Variants in FHAD1 observed in about 807,000 individuals in gnomAD.
FHAD1 encodes the protein forkhead associated phosphopeptide binding domain 1.
FHAD1 carries 146 observed loss-of-function variants against 191.3 expected under a neutral mutation model. The ratio of observed to expected loss-of-function variants is 0.76; its 90% CI spans 0.67 to 0.88. The LOEUF (loss-of-function observed/expected upper bound fraction) is 0.88. Ranked by LOEUF, FHAD1 falls within the 40% of genes least tolerant of loss-of-function variation. FHAD1 has a pLI of 0.00. For missense variants in FHAD1, 1,635 were observed against 1,785.8 expected (o/e 0.92, Z 1.52); for synonymous variants, 616 against 672.3 (o/e 0.92, Z 1.29).
chr1:15,259,117 T>G (rs7520597), intron 2 of FHAD1, among the ~76,000 whole-genome samples: 22,223 of 152,190 alleles, frequency 0.15, 1,822 homozygotes, highest in Middle Eastern at 0.22. Flanking sequence ...ACAGTAGCCA[T>G]CCTAATGAGA....
intron 7 of FHAD1, among the ~76,000 whole-genome samples, chr1:15,310,417 G>A (rs1671901710): frequency 1.3e-5 from 2 of 152,210 alleles, no homozygotes; most frequent in South Asian, 2.1e-4. Flanking sequence ...AGGCATCCCA[G>A]GGGGATCTCG....
In FHAD1 at chr1:15,301,405, T is replaced by A; in HGVS notation, c.879T>A (p.Asp293Glu). Residue 293 changes from aspartate (D) to glutamate (E), a missense_variant, in exon 6 of 34, where the codon GAT becomes GAA. Transcript: ENST00000688493. ...QKCQVLDEDI[D>E]AKQKEIQSLK... ...GTCAGGTTCTGGATGAAGACATCGA[T>A]GCCAAACAGAAAGAGATCCAGAGCT... 1 of 1,551,678 alleles carries A rather than the reference T, an allele frequency of 6.4e-7. No individual in the cohort carries two copies. The highest frequency in any genetic ancestry group is 8.7e-7 in the Non-Finnish European group (1 of 1,147,010).
At chr1:15,370,030 A>G (rs1697635408) in intron 26 of FHAD1, among the ~76,000 whole-genome samples, 2 of 152,238 alleles carry the variant, frequency 1.3e-5, no homozygotes. Context: ...GCAGGAATGT[A>G]GTGGTGCAAT....
chr1:15,239,977 A>C (rs1175847112), intron 1 of FHAD1, among the ~76,000 whole-genome samples: 1 of 152,230 alleles, frequency 6.6e-6, no homozygotes, highest in Non-Finnish European at 1.5e-5. Flanking sequence ...ACGGACATAC[A>C]CAGTGGCGCC....
chr1:15,294,620 T>C (rs1360162172), intron 4 of FHAD1, among the ~76,000 whole-genome samples: 1 of 152,198 alleles, frequency 6.6e-6, no homozygotes, highest in Admixed American at 6.5e-5. Flanking sequence ...CTCGAACTCC[T>C]GTCCTTAAGT....
chr1:15,311,473 C>A lies in FHAD1; in HGVS notation c.1040-1584C>A, dbSNP rs1013779785. Among the ~76,000 whole-genome samples, 2 of 152,320 alleles carry A rather than the reference C, an allele frequency of 1.3e-5. No homozygotes were observed. Among genetic ancestry groups the A allele is most frequent in the East Asian group, 3.9e-4 (2 of 5,182 alleles). ...GGTAGAGACTCAAGCCAAATTCATTCTAGAGAAAAGGTCACTCTGGTCCCG... is the reference window on the plus strand; with the variant it reads ...GGTAGAGACTCAAGCCAAATTCATTATAGAGAAAAGGTCACTCTGGTCCCG... On this transcript the variant is annotated intron_variant, in intron 7 of 33. Coordinates refer to ENST00000688493, the MANE Select transcript of FHAD1 (RefSeq NM_001391957.1). The surrounding 1 kb of genome is among the most constrained non-coding windows in gnomAD (Gnocchi z 4.1).
At chr1:15,374,687 G>A in intron 27 of FHAD1, 56 bp downstream of exon 27, 1 of 1,540,090 alleles carries the variant, frequency 6.5e-7, no homozygotes, top group Non-Finnish European at 8.8e-7. Flanking sequence ...GCTCACTTTG[G>A]GGACTGACCA....
chr1:15,278,938 GT>G (rs1042817796), intron 3 of FHAD1, among the ~76,000 whole-genome samples: 2 of 151,804 alleles, frequency 1.3e-5, no homozygotes, highest in Admixed American at 6.6e-5. Flanking sequence ...TCAACTGGAA[GT>G]TTTTTTTTAA....
upstream of FHAD1, among the ~76,000 whole-genome samples, chr1:15,245,583 C>T (rs1173130535): frequency 1.3e-5 from 2 of 152,230 alleles, no homozygotes; most frequent in Non-Finnish European, 2.9e-5. Context: ...GAGCTTGACC[C>T]TCTCTGTTCC....
intron 32 of FHAD1, among the ~76,000 whole-genome samples, chr1:15,389,291 A>G (rs1448041860): frequency 2.0e-4 from 30 of 151,788 alleles, no homozygotes; most frequent in Admixed American, 2.0e-3. Context: ...ACAAAAGCAC[A>G]AAAAATTAGC....
chr1:15,391,706 A>T (rs1704087479), intron 33 of FHAD1, among the ~76,000 whole-genome samples: 1 of 152,260 alleles, frequency 6.6e-6, no homozygotes, highest in Non-Finnish European at 1.5e-5. Flanking sequence ...TTATTCTGAG[A>T]CAACAAAATT....
Position 15,360,695 on chromosome 1 carries a change from A to G in FHAD1, c.2954A>G (p.Asn985Ser). Reference protein sequence around the residue: ...IEGEIATLKDNDPAPKEERPQ... With the variant: ...IEGEIATLKDSDPAPKEERPQ... ...GGCGAGATTGCAACATTGAAGGACA[A>G]TGACCCAGGTAAGTCCGAAGGGAGG... is the stretch of plus-strand genomic sequence containing the variant. The change falls in exon 22 of 34, where the codon AAT becomes AGT. Residue 985 changes from asparagine to serine, a missense_variant. Coordinates refer to ENST00000688493, the MANE Select transcript of FHAD1 (RefSeq NM_001391957.1). 2 of 1,551,162 alleles carry G rather than the reference A, an allele frequency of 1.3e-6. No individual in the cohort carries two copies. Among genetic ancestry groups the G allele is most frequent in the Admixed American group, 2.0e-5 (1 of 50,992 alleles).
At chr1:15,257,903 A>G (rs1231744047) in intron 2 of FHAD1, among the ~76,000 whole-genome samples, 5 of 152,164 alleles carry the variant, frequency 3.3e-5, no homozygotes, top group African/African-American at 9.7e-5. Context: ...GTGCGGTGGC[A>G]CAATCTTGGC....
chr1:15,389,447 CA>C (rs570569622), intron 32 of FHAD1, among the ~76,000 whole-genome samples: 1,084 of 54,220 alleles, frequency 0.02, 18 homozygotes, highest in East Asian at 0.043. Flanking sequence ...GAACCTGTCT[CA>C]AAAAAAAAAA....
rs757632010 is a variant in FHAD1 at position 15,328,397 on chromosome 1, G to A, written c.1678G>A (p.Glu560Lys). The A allele has an allele frequency of 1.5e-5, 23 of 1,543,792 alleles. No individual in the cohort carries two copies. In the South Asian group the frequency reaches 2.3e-4, roughly 15 times the overall value. Residue 560 changes from glutamate (E) to lysine (K), a missense_variant, in exon 13 of 34, where the codon GAG becomes AAG. Glu to Lys is a moderately conservative substitution (Grantham distance 56, BLOSUM62 1). Transcript: ENST00000688493. ...GCAGGAGGAGACCACCGAGAACATC[G>A]AGAAGCTGAGGACGTCGCTGGACAG... ...SKQEETTENI[E>K]KLRTSLDSCQ...
At chr1:15,389,019 A>C (rs1703093220) in intron 32 of FHAD1, among the ~76,000 whole-genome samples, 1 of 152,156 alleles carries the variant, frequency 6.6e-6, no homozygotes, top group Admixed American at 6.5e-5. Context: ...GACTTAATCC[A>C]GGGATGGATT....
intron 15 of FHAD1, among the ~76,000 whole-genome samples, chr1:15,341,383 CT>C (rs1686628882): frequency 6.6e-6 from 1 of 152,176 alleles, no homozygotes. Context: ...TACATGACTG[CT>C]TTTTTTCCTC....
Position 15,312,994 on chromosome 1 carries a change from A to G in FHAD1, c.1040-63A>G. 6.5e-7 allele frequency: 1 copy of G among 1,537,484 alleles called. No homozygotes were observed. The highest frequency in any genetic ancestry group is 1.4e-5 in the African/African-American group (1 of 72,880). On this transcript the variant is annotated intron_variant, in intron 7 of 33. Coordinates refer to ENST00000688493, the MANE Select transcript of FHAD1 (RefSeq NM_001391957.1). This position sits in a 1 kb window ranked among gnomAD's most constrained non-coding sequence, Gnocchi z 4.7. The stretch of plus-strand genomic sequence containing the variant: ...CCAGGCTCGTCACAAACTGGTTGAC[A>G]GCGGCAGCGATGACAGTCATCCTCA...
Position 15,323,289 on chromosome 1 carries a change from G to A in FHAD1, c.1366-1163G>A, listed in dbSNP as rs553928692. Among the ~76,000 whole-genome samples, 14 of 152,312 alleles carry A rather than the reference G, an allele frequency of 9.2e-5. No individual in the cohort carries two copies. The South Asian group carries it at 2.9e-3, about 32-fold the overall frequency. On this transcript the variant is annotated intron_variant, in intron 10 of 33. Transcript: ENST00000688493. ...GAACAGGACTGCCAGAGCTGGGGCT[G>A]GGGGCGGGGAGGCCAGTCATTGAGA...
Sources: gnomAD v4.1 joint callset for allele counts (sites outside exome capture counted in the v4.1 genomes callset) on GRCh38, gnomAD v4.1.1 for gene constraint, Gnocchi (gnomAD v3.1) non-coding constraint, MANE v1.5 for transcripts, NCBI Gene and HGNC (gene_info 2026-07-23, HGNC 2026-07-21) for gene names.